The following PDGFD variants were observed in gnomAD, a reference collection of about 807,000 sequenced individuals.
PDGFD encodes platelet-derived growth factor D.
In PDGFD, 30 loss-of-function variants were observed where a neutral mutation model predicts 44.7. That is an observed-to-expected ratio of 0.67 (90% CI 0.50 to 0.91). The LOEUF (loss-of-function observed/expected upper bound fraction) is 0.91. Ranked by LOEUF, PDGFD falls within the 40% of genes least tolerant of loss-of-function variation. The pLI is 0.00. For synonymous variants in PDGFD, 173 were observed against 168.4 expected, an observed-to-expected ratio of 1.03 and a Z score of -0.21; for missense variants, 445 against 457.8, an observed-to-expected ratio of 0.97 and a Z score of 0.25.
intron 5 of PDGFD, among the ~76,000 whole-genome samples, chr11:103,927,953 C>T (rs1242008815): frequency 1.3e-5 from 2 of 152,216 alleles, no homozygotes; most frequent in Non-Finnish European, 2.9e-5. Context: ...CTCCCCCTCT[C>T]ACATTCTTTT....
intron 1 of PDGFD, among the ~76,000 whole-genome samples, chr11:104,102,410 T>C (rs1861401231): frequency 1.3e-5 from 2 of 152,128 alleles, no homozygotes; most frequent in Non-Finnish European, 2.9e-5. Flanking sequence ...ATGGCGATCA[T>C]TAAAAAGTCA....
At chr11:104,141,344 T>C (rs1411934992) in intron 1 of PDGFD, among the ~76,000 whole-genome samples, 1 of 152,148 alleles carries the variant, frequency 6.6e-6, no homozygotes, top group African/African-American at 2.4e-5. Context: ...ATTTTTTTTG[T>C]GCTTGCTTCG....
At chr11:104,103,462 G>GTGTGTGTGTGTATATATA (rs1041388346) in intron 1 of PDGFD, among the ~76,000 whole-genome samples, 2 of 133,262 alleles carry the variant, frequency 1.5e-5, no homozygotes, top group African/African-American at 5.5e-5. Context: ...GTGTGTGTGT[G>GTGTGTGTGTGTATATATA]TATATATATA....
chr11:104,091,532 T>C (rs1861212834), intron 1 of PDGFD, among the ~76,000 whole-genome samples: 2 of 152,140 alleles, frequency 1.3e-5, no homozygotes, highest in Non-Finnish European at 2.9e-5. Flanking sequence ...GCAGCAACAG[T>C]GTTCTTAGAT....
intron 1 of PDGFD, among the ~76,000 whole-genome samples, chr11:104,116,262 T>C (rs1300191111): frequency 2.0e-5 from 3 of 152,102 alleles, no homozygotes; most frequent in Non-Finnish European, 4.4e-5. Context: ...CTGCCAATTA[T>C]CTCAGAACAA....
intron 1 of PDGFD, among the ~76,000 whole-genome samples, chr11:104,025,916 C>G (rs1323310480): frequency 6.6e-6 from 1 of 152,178 alleles, no homozygotes; most frequent in African/African-American, 2.4e-5. Context: ...GACCTTTTCT[C>G]TTGTGCACCC....
In PDGFD at chr11:104,037,646, G is replaced by A. The variant is rs766051930; in HGVS notation, c.125-37391C>T. On this transcript the variant is annotated intron_variant, in intron 1 of 6. Coordinates refer to ENST00000393158, the MANE Select transcript of PDGFD (RefSeq NM_025208.5). Reference sequence around the variant, plus strand: ...ATTATGAGCCAGGCTTGTGCCGAGCGATGTAACATCATGAGGCTGGTGGAC... The same window carrying A: ...ATTATGAGCCAGGCTTGTGCCGAGCAATGTAACATCATGAGGCTGGTGGAC... 20 of 1,614,026 alleles carry A rather than the reference G, an allele frequency of 1.2e-5. No homozygotes were observed. The highest frequency in any genetic ancestry group is 1.1e-4 in the East Asian group (5 of 44,894).
intron 1 of PDGFD, among the ~76,000 whole-genome samples, chr11:104,153,776 GAC>G (rs1303637094): frequency 9.2e-5 from 14 of 152,190 alleles, no homozygotes; most frequent in African/African-American, 3.4e-4. Flanking sequence ...AAAATAAAAA[GAC>G]AGGTAAGGCT....
chr11:104,118,948 A>G (rs1219239172), intron 1 of PDGFD, among the ~76,000 whole-genome samples: 2 of 75,722 alleles, frequency 2.6e-5, no homozygotes, highest in African/African-American at 6.1e-5. Flanking sequence ...ATATTATAAT[A>G]ATATATCATA....
intron 1 of PDGFD, among the ~76,000 whole-genome samples, chr11:104,145,900 C>T (rs8181546): frequency 0.24 from 36,060 of 152,014 alleles, 4,345 homozygotes; most frequent in Middle Eastern, 0.35. Context: ...CTTCCACATA[C>T]GCAAGGAGGA....
intron 3 of PDGFD, among the ~76,000 whole-genome samples, chr11:103,994,624 G>A (rs1859508303): frequency 6.6e-6 from 1 of 151,600 alleles, no homozygotes; most frequent in Non-Finnish European, 1.5e-5. Flanking sequence ...TAATTCTTAA[G>A]ATAAAAAATA....
At chr11:104,029,260 G>C (rs1304469828) in intron 1 of PDGFD, among the ~76,000 whole-genome samples, 1 of 152,126 alleles carries the variant, frequency 6.6e-6, no homozygotes, top group Non-Finnish European at 1.5e-5. Context: ...TTCTATACAG[G>C]CTGCTAAATT....
chr11:104,000,127 A>G lies in PDGFD; in HGVS notation c.253T>C (p.Ser85Pro). Residue 85 changes from serine (S) to proline (P), a missense_variant, in exon 2 of 7, where the codon TCT becomes CCT. Physicochemically the swap from Ser to Pro is moderately conservative, Grantham distance 74. Transcript: ENST00000393158. ...RNLLLTWRLH[S>P]QENTRIQLVF... The stretch of plus-strand genomic sequence containing the variant: ...AGCTGTATCCGTGTATTCTCCTGAG[A>G]GTGAAGCCGCCATGTCAGGAGCAGG... The G allele has an allele frequency of 6.2e-7, 1 of 1,614,070 alleles. No homozygotes were observed. Among genetic ancestry groups the G allele is most frequent in the Non-Finnish European group, 8.5e-7 (1 of 1,180,000 alleles).
At chr11:104,129,668 A>C (rs942667515) in intron 1 of PDGFD, among the ~76,000 whole-genome samples, 1 of 152,118 alleles carries the variant, frequency 6.6e-6, no homozygotes, top group Non-Finnish European at 1.5e-5. Context: ...TAAATACTGT[A>C]ATCAGTGTTT....
chr11:104,071,119 C>A (rs1440056122), intron 1 of PDGFD, among the ~76,000 whole-genome samples: 2 of 151,878 alleles, frequency 1.3e-5, no homozygotes, highest in Non-Finnish European at 2.9e-5. Context: ...AATATGAGAT[C>A]TACCCACTTA....
chr11:104,139,009 G>T (rs1463612489), intron 1 of PDGFD, among the ~76,000 whole-genome samples: 1 of 152,130 alleles, frequency 6.6e-6, no homozygotes, highest in Non-Finnish European at 1.5e-5. Context: ...TGATCCGCCT[G>T]CCTCAGAATC....
intron 5 of PDGFD, among the ~76,000 whole-genome samples, chr11:103,938,669 A>AG (rs1389022604): frequency 6.6e-6 from 1 of 152,182 alleles, no homozygotes; most frequent in East Asian, 1.9e-4. Flanking sequence ...GTTTTCTTCT[A>AG]GGGATTTTAT....
intron 1 of PDGFD, among the ~76,000 whole-genome samples, chr11:104,118,542 A>T (rs534980926): frequency 2.0e-5 from 3 of 151,098 alleles, no homozygotes; most frequent in African/African-American, 7.3e-5. Flanking sequence ...GTCCAATGGC[A>T]TTAGCCAGGA....
intron 1 of PDGFD, among the ~76,000 whole-genome samples, chr11:104,055,565 T>A (rs1349786638): frequency 6.6e-6 from 1 of 152,182 alleles, no homozygotes; most frequent in African/African-American, 2.4e-5. Context: ...GAAGTAATTG[T>A]TTGAAGATTA....
Sources: gnomAD v4.1 joint callset for allele counts (sites outside exome capture counted in the v4.1 genomes callset) on GRCh38, gnomAD v4.1.1 for gene constraint, MANE v1.5 for transcripts, NCBI Gene and HGNC (gene_info 2026-07-23, HGNC 2026-07-21) for gene names.